ROR2: variants seen among roughly 807,000 people sequenced by gnomAD.
ROR2 encodes the protein tyrosine-protein kinase transmembrane receptor ROR2.
Under a neutral mutation model 74.9 loss-of-function variants are expected in ROR2, and 33 were observed. The observed-to-expected ratio is 0.44, with a 90% CI of 0.33 to 0.59. ROR2 has a LOEUF of 0.59. ROR2 is among the 20% of genes least tolerant of loss of function. ROR2 has a pLI of 0.02. For synonymous variants in ROR2, 586 were observed against 558.7 expected, an observed-to-expected ratio of 1.05 and a Z score of -0.69; for missense variants, 1,216 against 1,313.8, an observed-to-expected ratio of 0.93 and a Z score of 1.15.
intron 1 of ROR2, among the ~76,000 whole-genome samples, chr9:91,924,584 G>C (rs1831349680): frequency 6.6e-6 from 1 of 152,182 alleles, no homozygotes; most frequent in South Asian, 2.1e-4. Context: ...ACGAGGTCAG[G>C]AGATCGAGAC....
chr9:91,733,095 T>C lies in ROR2; in HGVS notation c.937+27A>G, dbSNP rs1293796493. ...GCCCTACACTCCCTGCGCCCCCCGG[T>C]CCCGCCCCGGGCCCTCGGGCACTCA... On this transcript the variant is annotated intron_variant, in intron 6 of 8. Transcript: ENST00000375708. This position sits in a 1 kb window ranked among gnomAD's most constrained non-coding sequence, Gnocchi z 5.7. 3 of 1,562,540 alleles carry C rather than the reference T, an allele frequency of 1.9e-6. No individual in the cohort carries two copies. Among genetic ancestry groups the C allele is most frequent in the Non-Finnish European group, 2.6e-6 (3 of 1,157,304 alleles).
intron 4 of ROR2, among the ~76,000 whole-genome samples, chr9:91,744,687 T>C (rs1353838354): frequency 6.6e-6 from 1 of 152,200 alleles, no homozygotes; most frequent in African/African-American, 2.4e-5. Flanking sequence ...ACACCAATGT[T>C]TGATATCATA....
intron 1 of ROR2, among the ~76,000 whole-genome samples, chr9:91,849,649 T>C (rs1473781167): frequency 2.6e-5 from 4 of 152,228 alleles, no homozygotes; most frequent in Non-Finnish European, 5.9e-5. Context: ...TACCCTTACA[T>C]TTGAAACTTT....
chr9:91,791,120 G>T (rs1201353923), intron 1 of ROR2, among the ~76,000 whole-genome samples: 1 of 152,070 alleles, frequency 6.6e-6, no homozygotes, highest in East Asian at 1.9e-4. Flanking sequence ...ATTCACTCAC[G>T]ACTCACTCAC....
At chr9:91,790,908 A>G (rs1457931586) in intron 1 of ROR2, among the ~76,000 whole-genome samples, 1 of 152,264 alleles carries the variant, frequency 6.6e-6, no homozygotes, top group East Asian at 1.9e-4. Flanking sequence ...TAAAGAAGAA[A>G]TATCTTTATA....
intron 5 of ROR2, among the ~76,000 whole-genome samples, chr9:91,734,143 G>A (rs1824938018): frequency 6.6e-6 from 1 of 152,186 alleles, no homozygotes. Context: ...GTGAGTTCGG[G>A]AACAAAGTGG....
chr9:91,898,867 C>G (rs1220467015), intron 1 of ROR2, among the ~76,000 whole-genome samples: 1 of 152,232 alleles, frequency 6.6e-6, no homozygotes, highest in Non-Finnish European at 1.5e-5. Context: ...CAGGTGCTTT[C>G]CACGCTTGGC....
intron 4 of ROR2, among the ~76,000 whole-genome samples, chr9:91,746,544 T>C (rs1171259585): frequency 3.3e-5 from 5 of 152,226 alleles, no homozygotes; most frequent in African/African-American, 9.6e-5. Flanking sequence ...CCGAATTCCG[T>C]GTAGACACAC....
Position 91,909,847 on chromosome 9 carries a change from G to GTTTTTTTTT in ROR2, c.97+40011_97+40019dup, listed in dbSNP as rs71362365. Among the ~76,000 whole-genome samples the GTTTTTTTTT allele has an allele frequency of 1.3e-3, 72 of 53,608 alleles. 2 individuals are homozygous for GTTTTTTTTT. Among genetic ancestry groups the GTTTTTTTTT allele is most frequent in the East Asian group, 2.0e-3 (3 of 1,498 alleles). The allele number at this position is 53,608 out of a possible 152,430, so 35.2% of individuals were successfully genotyped here. A position where few individuals can be genotyped will look rare whatever the true frequency, so the allele number is the denominator to read the frequency against. On this transcript the variant is annotated intron_variant, in intron 1 of 8. Coordinates refer to ENST00000375708, the MANE Select transcript of ROR2 (RefSeq NM_004560.4). ...TCTTTTTTTTTTTTAGGTTTGTTTT[G>GTTTTTTTTT]TTTTTTTTTTTTTTTTTTTTTTTTA... is the stretch of plus-strand genomic sequence containing the variant.
chr9:91,733,036 G>C lies in ROR2; in HGVS notation c.937+86C>G. 14 of 1,334,162 alleles carry C rather than the reference G, an allele frequency of 1.0e-5. No homozygotes were observed. The highest frequency in any genetic ancestry group is 1.4e-5 in the Non-Finnish European group (14 of 974,480). The allele number at this position is 1,334,162 out of a possible 1,614,324, so 82.6% of individuals were successfully genotyped here. On this transcript the variant is annotated intron_variant, in intron 6 of 8. Coordinates refer to ENST00000375708, the MANE Select transcript of ROR2 (RefSeq NM_004560.4). This position sits in a 1 kb window ranked among gnomAD's most constrained non-coding sequence, Gnocchi z 5.7. ...GGGGCCTGGACAGATGGGGCTCCCT[G>C]GGCTTCACCGACACCCCCATACACA...
chr9:91,804,819 G>C (rs1827498276), intron 1 of ROR2, among the ~76,000 whole-genome samples: 1 of 152,184 alleles, frequency 6.6e-6, no homozygotes, highest in Non-Finnish European at 1.5e-5. Flanking sequence ...AGTTGACTGA[G>C]TTATTTTTAC....
chr9:91,784,636 T>C (rs1826733496), intron 1 of ROR2, among the ~76,000 whole-genome samples: 1 of 152,242 alleles, frequency 6.6e-6, no homozygotes, highest in Non-Finnish European at 1.5e-5. Flanking sequence ...TTCATCAAAC[T>C]ATACACTGGC....
intron 1 of ROR2, among the ~76,000 whole-genome samples, chr9:91,811,946 T>C (rs541139973): frequency 3.6e-4 from 55 of 152,314 alleles, no homozygotes; most frequent in African/African-American, 1.3e-3. Context: ...TGGTTTGGTC[T>C]TAGTCAGGGA....
rs141702146 is a variant in ROR2 at position 91,868,769 on chromosome 9, A to G, written c.97+81098T>C. 3.1e-3 allele frequency among the ~76,000 whole-genome samples: 466 copies of G among 152,362 alleles called. 5 individuals carry two copies. Among genetic ancestry groups the G allele is most frequent in the African/African-American group, 0.011 (450 of 41,582 alleles). On this transcript the variant is annotated intron_variant, in intron 1 of 8. Coordinates refer to ENST00000375708, the MANE Select transcript of ROR2 (RefSeq NM_004560.4). ...GACATTCTCAAATGAAGGAAAGCTA[A>G]TAGAACTCACTGTCAGCAGACTTGC...
chr9:91,873,893 T>C (rs1333329276), intron 1 of ROR2, among the ~76,000 whole-genome samples: 1 of 152,190 alleles, frequency 6.6e-6, no homozygotes, highest in Non-Finnish European at 1.5e-5. Flanking sequence ...AAATTACCTT[T>C]GACAAATTAA....
chr9:91,845,013 T>C (rs1268913857), intron 1 of ROR2, among the ~76,000 whole-genome samples: 9 of 152,112 alleles, frequency 5.9e-5, no homozygotes, highest in Non-Finnish European at 5.9e-5. Context: ...CATGACACAG[T>C]TCAAAATTAT....
intron 1 of ROR2, among the ~76,000 whole-genome samples, chr9:91,795,433 C>G (rs1202912174): frequency 6.6e-6 from 1 of 152,202 alleles, no homozygotes; most frequent in South Asian, 2.1e-4. Context: ...TTGTGATTAT[C>G]ATAAAAATAC....
chr9:91,948,822 G>T, intron 1 of ROR2: 2 of 985,452 alleles, frequency 2.0e-6, no homozygotes, highest in Non-Finnish European at 2.4e-6. Flanking sequence ...TGGCGCTCCT[G>T]GGCCTGAAGG....
intron 4 of ROR2, among the ~76,000 whole-genome samples, chr9:91,747,110 A>T (rs1825446046): frequency 1.3e-5 from 2 of 152,208 alleles, no homozygotes; most frequent in African/African-American, 2.4e-5. Context: ...GAAATATGAG[A>T]CAGGCAGCCT....
Sources: gnomAD v4.1 joint callset for allele counts (sites outside exome capture counted in the v4.1 genomes callset) on GRCh38, gnomAD v4.1.1 for gene constraint, Gnocchi (gnomAD v3.1) non-coding constraint, MANE v1.5 for transcripts, NCBI Gene and HGNC (gene_info 2026-07-23, HGNC 2026-07-21) for gene names.